SEL1L3: variants seen among roughly 807,000 people sequenced by gnomAD.
The protein encoded by SEL1L3 is SEL1L family member 3, also known as protein sel-1 homolog 3.
In SEL1L3, 76 loss-of-function variants were observed where a neutral mutation model predicts 142.8. The observed-to-expected ratio is 0.53, with a 90% CI of 0.44 to 0.64. The LOEUF is 0.64. SEL1L3 is among the 30% of genes least tolerant of loss of function. The pLI is 0.00. For synonymous variants in SEL1L3, 504 were observed against 519.6 expected, an observed-to-expected ratio of 0.97 and a Z score of 0.41; for missense variants, 1,262 against 1,381.7, an observed-to-expected ratio of 0.91 and a Z score of 1.37.
the SEL1L3 span, among the ~76,000 whole-genome samples, chr4:25,731,857 C>G: frequency 0.072 from 10,950 of 152,024 alleles, 819 homozygotes; most frequent in African/African-American, 0.19. Context: ...TGGATCACCT[C>G]AGGTCAGGGG....
At chr4:25,815,931 A>C (rs933235624) in intron 9 of SEL1L3, among the ~76,000 whole-genome samples, 2 of 151,168 alleles carry the variant, frequency 1.3e-5, no homozygotes, top group African/African-American at 4.9e-5. Context: ...CCCGTAACAC[A>C]CAGGACAGCC....
chr4:25,845,281 G>A (rs1355229373), intron 2 of SEL1L3, among the ~76,000 whole-genome samples: 1 of 152,188 alleles, frequency 6.6e-6, no homozygotes, highest in Non-Finnish European at 1.5e-5. Context: ...GACTGCTTGA[G>A]CCTAGGAGTT....
the SEL1L3 span, among the ~76,000 whole-genome samples, chr4:25,731,358 A>AC: frequency 9.9e-5 from 15 of 152,196 alleles, no homozygotes; most frequent in East Asian, 2.3e-3. Context: ...CAATTGACCC[A>AC]CCATAAGCTG....
chr4:25,796,253 C>T (rs539682705), intron 11 of SEL1L3, among the ~76,000 whole-genome samples: 83 of 152,178 alleles, frequency 5.5e-4, no homozygotes, highest in Admixed American at 1.9e-3. Flanking sequence ...CTGCAGGCCA[C>T]AGAGGGCGGT....
chr4:25,743,604 T>C (rs2109099861), downstream of SEL1L3, among the ~76,000 whole-genome samples: 1 of 152,284 alleles, frequency 6.6e-6, no homozygotes, highest in South Asian at 2.1e-4. Flanking sequence ...CACTCGAAGT[T>C]GGGAGGGGGC....
chr4:25,730,791 G>T, the SEL1L3 span, among the ~76,000 whole-genome samples: 44 of 152,270 alleles, frequency 2.9e-4, 1 homozygote, highest in African/African-American at 1.1e-3. Context: ...CACTTTGGGA[G>T]GCCGAGGTGG....
intron 9 of SEL1L3, among the ~76,000 whole-genome samples, chr4:25,806,646 A>AT (rs1238305910): frequency 2.0e-5 from 3 of 152,116 alleles, no homozygotes; most frequent in African/African-American, 7.2e-5. Flanking sequence ...GTGGGGAAGG[A>AT]TGCAGCCACC....
downstream of SEL1L3, among the ~76,000 whole-genome samples, chr4:25,744,851 C>G (rs1283627026): frequency 6.6e-6 from 1 of 152,208 alleles, no homozygotes; most frequent in African/African-American, 2.4e-5. Context: ...TGACGGCCAT[C>G]TACAAGCCAA....
In SEL1L3 at chr4:25,758,928, G is replaced by T. The variant is rs1379066312; in HGVS notation, c.3083+13C>A. On this transcript the variant is annotated intron_variant, in intron 21 of 23. Coordinates refer to ENST00000399878, the MANE Select transcript of SEL1L3 (RefSeq NM_015187.5). ...TCCCTCAGATTCCACAGTTCTAGAGGCTCTGAGCTCACCTTTCGTACAGTT... is the reference window on the plus strand; with the variant it reads ...TCCCTCAGATTCCACAGTTCTAGAGTCTCTGAGCTCACCTTTCGTACAGTT... 3 of 1,611,934 alleles carry T rather than the reference G, an allele frequency of 1.9e-6. No homozygotes were observed. Among genetic ancestry groups the T allele is most frequent in the Non-Finnish European group, 2.5e-6 (3 of 1,179,232 alleles).
At chr4:25,818,788 T>G (rs563392601) in intron 8 of SEL1L3, among the ~76,000 whole-genome samples, 1 of 152,314 alleles carries the variant, frequency 6.6e-6, no homozygotes, top group East Asian at 1.9e-4. Flanking sequence ...GTTGACAGCA[T>G]CATATTTTCC....
the SEL1L3 span, among the ~76,000 whole-genome samples, chr4:25,715,967 T>C: frequency 6.6e-6 from 1 of 152,196 alleles, no homozygotes; most frequent in Non-Finnish European, 1.5e-5. Flanking sequence ...ATATGCTCTT[T>C]TGTACCTCTT....
At chr4:25,857,158 A>C (rs1717317417) in intron 1 of SEL1L3, among the ~76,000 whole-genome samples, 2 of 152,190 alleles carry the variant, frequency 1.3e-5, no homozygotes, top group Admixed American at 1.3e-4. Context: ...TGTCTACTAG[A>C]TATAAGCAAA....
intron 1 of SEL1L3, among the ~76,000 whole-genome samples, chr4:25,856,021 A>G (rs919850875): frequency 2.0e-5 from 3 of 152,218 alleles, no homozygotes; most frequent in Non-Finnish European, 4.4e-5. Context: ...CTGTGAGGTC[A>G]GAGAAGGTGG....
At chr4:25,786,693 C>A (rs987566133) in intron 13 of SEL1L3, among the ~76,000 whole-genome samples, 3 of 152,238 alleles carry the variant, frequency 2.0e-5, no homozygotes, top group African/African-American at 7.2e-5. Context: ...GCCCCTCCAT[C>A]TAGCCCAGAG....
chr4:25,809,682 T>C (rs1713884550), intron 9 of SEL1L3, among the ~76,000 whole-genome samples: 2 of 152,160 alleles, frequency 1.3e-5, no homozygotes, highest in South Asian at 4.1e-4. Flanking sequence ...TCGGAGCTGT[T>C]ATTCTCTGAG....
the SEL1L3 span, chr4:25,718,044 C>T: frequency 6.6e-6 from 1 of 152,064 alleles, no homozygotes; most frequent in South Asian, 2.1e-4. Context: ...ATTGTTAGAT[C>T]CACAATCTAA....
intron 1 of SEL1L3, among the ~76,000 whole-genome samples, chr4:25,855,314 C>T (rs970548413): frequency 3.9e-5 from 6 of 152,316 alleles, no homozygotes; most frequent in Admixed American, 2.6e-4. Flanking sequence ...TTTTCACATG[C>T]CAGGTTGCAT....
chr4:25,772,126 G>A (rs889224453), intron 17 of SEL1L3, among the ~76,000 whole-genome samples: 1 of 152,226 alleles, frequency 6.6e-6, no homozygotes, highest in Non-Finnish European at 1.5e-5. Context: ...CACGTTGGAC[G>A]GTGAGGAGGC....
chr4:25,782,174 T>C, intron 15 of SEL1L3, 68 bp downstream of exon 15: 1 of 1,394,004 alleles, frequency 7.2e-7, no homozygotes, highest in Non-Finnish European at 1.0e-6. Flanking sequence ...GCACACAGTG[T>C]ACCTTCAACA....
Sources: allele counts gnomAD v4.1 joint callset (sites outside exome capture counted in the v4.1 genomes callset), GRCh38; gene constraint gnomAD v4.1.1; transcripts MANE v1.5; gene names NCBI Gene and HGNC (gene_info 2026-07-23, HGNC 2026-07-21).